SLC44A1: variants seen among roughly 807,000 people sequenced by gnomAD.
SLC44A1 encodes choline transporter-like protein 1.
A neutral mutation model predicts 79.3 loss-of-function variants in SLC44A1; 26 were observed. That is an observed-to-expected ratio of 0.33 (90% confidence interval 0.24 to 0.46). SLC44A1 has a LOEUF of 0.46. SLC44A1 is among the 20% of genes least tolerant of loss of function. The pLI, the probability that SLC44A1 is intolerant of heterozygous loss-of-function variation, is 1.00. For synonymous variants in SLC44A1, 263 were observed against 286.2 expected (o/e 0.92, Z 0.82); for missense variants, 688 against 798.1 (o/e 0.86, Z 1.66).
chr9:105,424,188 A>G (rs1024528584), intron 15 of SLC44A1, among the ~76,000 whole-genome samples: 2 of 152,256 alleles, frequency 1.3e-5, no homozygotes, highest in East Asian at 3.9e-4. Flanking sequence ...GTCCTCTTCC[A>G]TGGGGCAAGG....
At chr9:105,369,683 G>A (rs116498327) in intron 12 of SLC44A1, among the ~76,000 whole-genome samples, 152 of 152,214 alleles carry the variant, frequency 1.0e-3, no homozygotes, top group African/African-American at 3.6e-3. Flanking sequence ...GCATTATTGT[G>A]TAGCTTGCCC....
chr9:105,379,689 T>A (rs1374325902), intron 13 of SLC44A1, among the ~76,000 whole-genome samples: 1 of 152,226 alleles, frequency 6.6e-6, no homozygotes, highest in Non-Finnish European at 1.5e-5. Context: ...CTCTTCTAGT[T>A]TAGTGACTTG....
intron 1 of SLC44A1, among the ~76,000 whole-genome samples, chr9:105,294,967 C>A (rs1830687708): frequency 6.9e-6 from 1 of 144,390 alleles, no homozygotes; most frequent in African/African-American, 2.6e-5. Flanking sequence ...TTTTTCCTTG[C>A]CTGTGTTTAG....
At position 105,283,166 on chromosome 9, in the gene SLC44A1, C is replaced by T. The variant is rs188801286; in HGVS notation, c.37-16054C>T. ...TTCCTCCATGGTTCTGATCTATTTC[C>T]GGGCATGGAGCGGGTGCTGAAGGTT... On this transcript the variant is annotated intron_variant, in intron 1 of 15. Coordinates refer to ENST00000374720, the MANE Select transcript of SLC44A1 (RefSeq NM_080546.5). 4.2e-3 allele frequency among the ~76,000 whole-genome samples: 643 copies of T among 152,254 alleles called. 4 individuals are homozygous for T. Among genetic ancestry groups the T allele is most frequent in the African/African-American group, 0.015 (613 of 41,540 alleles).
At chr9:105,401,075 C>T (rs1828951833), downstream of SLC44A1, among the ~76,000 whole-genome samples, 2 of 152,174 alleles carry the variant, frequency 1.3e-5, no homozygotes, top group South Asian at 2.1e-4. Context: ...CAGCATACGA[C>T]AGTCATCAGC....
At chr9:105,437,777 T>C (rs960406416) in intron 15 of SLC44A1, among the ~76,000 whole-genome samples, 1 of 152,220 alleles carries the variant, frequency 6.6e-6, no homozygotes, top group Non-Finnish European at 1.5e-5. Flanking sequence ...TCATTTGCAT[T>C]TCAGGTTTTG....
intron 1 of SLC44A1, 25 bp downstream of exon 1, chr9:105,244,929 G>A (rs1350256236): frequency 3.4e-6 from 4 of 1,168,414 alleles, no homozygotes; most frequent in Non-Finnish European, 4.2e-6. Flanking sequence ...CCTCCCGGCC[G>A]CCCGCCCGGA....
chr9:105,282,137 G>C (rs1231850643), intron 1 of SLC44A1, among the ~76,000 whole-genome samples: 17 of 152,140 alleles, frequency 1.1e-4, no homozygotes, highest in Non-Finnish European at 1.5e-5. Context: ...TTACAAGTGG[G>C]ATGTCTTAAT....
intron 1 of SLC44A1, among the ~76,000 whole-genome samples, chr9:105,298,128 T>C (rs1046300117): frequency 5.3e-5 from 8 of 151,854 alleles, no homozygotes; most frequent in African/African-American, 1.7e-4. Flanking sequence ...AAAAATGCAG[T>C]TGGAATTCCA....
At chr9:105,280,335 G>A (rs957607092) in intron 1 of SLC44A1, among the ~76,000 whole-genome samples, 18 of 152,176 alleles carry the variant, frequency 1.2e-4, no homozygotes, top group African/African-American at 4.3e-4. Context: ...GGTACCTAAT[G>A]TCTTCAAGGA....
rs139990211 is a variant in SLC44A1 at position 105,291,634 on chromosome 9, T to C, written c.37-7586T>C. ...CAACCCAAGGACACATTCTGGACTCTGTGCTTGATGAGAGTACATCTTAGC... is the reference window on the plus strand; with the variant it reads ...CAACCCAAGGACACATTCTGGACTCCGTGCTTGATGAGAGTACATCTTAGC... On this transcript the variant is annotated intron_variant, in intron 1 of 15. Coordinates refer to ENST00000374720, the MANE Select transcript of SLC44A1 (RefSeq NM_080546.5). Among the ~76,000 whole-genome samples, 266 of 152,340 alleles carry C rather than the reference T, an allele frequency of 1.7e-3. 2 individuals are homozygous for C. The highest frequency in any genetic ancestry group is 6.2e-3 in the African/African-American group (258 of 41,566).
intron 1 of SLC44A1, among the ~76,000 whole-genome samples, chr9:105,245,951 A>G (rs1829433516): frequency 1.3e-5 from 2 of 152,202 alleles, no homozygotes; most frequent in Non-Finnish European, 2.9e-5. Flanking sequence ...AAATACTATA[A>G]AAAGCAATCA....
intron 15 of SLC44A1, among the ~76,000 whole-genome samples, chr9:105,406,527 G>T (rs1226788702): frequency 6.6e-6 from 1 of 152,072 alleles, no homozygotes; most frequent in Non-Finnish European, 1.5e-5. Context: ...GATTGCTTGA[G>T]GCCAGGAGTT....
Position 105,361,274 on chromosome 9 carries a change from G to T in SLC44A1, c.844G>T (p.Ala282Ser). 1 of 1,613,696 alleles carries T rather than the reference G, an allele frequency of 6.2e-7. No individual in the cohort carries two copies. Among genetic ancestry groups the T allele is most frequent in the South Asian group, 1.1e-5 (1 of 91,004 alleles). ...TGTTACTCCTGAGCAGCTTCAGATAGCTGAAGACAATCTTCGGGCCCTCCT... is the reference window on the plus strand; with the variant it reads ...TGTTACTCCTGAGCAGCTTCAGATATCTGAAGACAATCTTCGGGCCCTCCT... ...ETVTPEQLQI[A>S]EDNLRALLIY... Residue 282 changes from alanine to serine, a missense_variant, in exon 8 of 16, where the codon GCT becomes TCT. Coordinates refer to ENST00000374720, the MANE Select transcript of SLC44A1 (RefSeq NM_080546.5).
intron 3 of SLC44A1, among the ~76,000 whole-genome samples, chr9:105,322,765 A>G (rs961327729): frequency 1.3e-5 from 2 of 152,216 alleles, no homozygotes; most frequent in African/African-American, 4.8e-5. Context: ...ACCATGCAAA[A>G]TAAGTTCCAC....
chr9:105,336,602 A>G (rs1322451387), intron 4 of SLC44A1, among the ~76,000 whole-genome samples: 1 of 152,192 alleles, frequency 6.6e-6, no homozygotes, highest in Non-Finnish European at 1.5e-5. Flanking sequence ...GCCCAGATCC[A>G]CAGGCTAGTG....
At chr9:105,309,360 C>T (rs1442321206) in intron 2 of SLC44A1, among the ~76,000 whole-genome samples, 2 of 152,172 alleles carry the variant, frequency 1.3e-5, no homozygotes, top group African/African-American at 4.8e-5. Flanking sequence ...TCAGTTTCTT[C>T]ATCATGAGGA....
exon 16 of SLC44A1, chr9:105,438,401 T>G (rs1268566105): frequency 2.2e-6 from 2 of 896,328 alleles, no homozygotes; most frequent in Admixed American, 2.3e-5. Flanking sequence ...CAGGATCTTA[T>G]TACTTCAATG....
chr9:105,340,495 A>G (rs1827054847), intron 4 of SLC44A1, among the ~76,000 whole-genome samples: 1 of 152,208 alleles, frequency 6.6e-6, no homozygotes, highest in South Asian at 2.1e-4. Context: ...ACTTAATGTC[A>G]CTGCACTGTA....
Sources: allele counts gnomAD v4.1 joint callset (sites outside exome capture counted in the v4.1 genomes callset), GRCh38; gene constraint gnomAD v4.1.1; transcripts MANE v1.5; gene names NCBI Gene and HGNC (gene_info 2026-07-23, HGNC 2026-07-21).